THRA: variants seen among roughly 807,000 people sequenced by gnomAD.
THRA encodes the protein EAR-7.
Under a neutral mutation model 45.0 loss-of-function variants are expected in THRA, and 13 were observed. The ratio of observed to expected loss-of-function variants is 0.29; its 90% CI spans 0.19 to 0.46. THRA has a LOEUF of 0.46. Ranked by LOEUF, THRA falls within the 20% of genes least tolerant of loss-of-function variation. THRA has a pLI of 1.00. For synonymous variants in THRA, 195 were observed against 214.0 expected, an observed-to-expected ratio of 0.91 and a Z score of 0.78; for missense variants, 278 against 556.1, an observed-to-expected ratio of 0.50 and a Z score of 5.03.
intron 8 of THRA, among the ~76,000 whole-genome samples, chr17:40,088,942 C>T (rs1208817441): frequency 6.6e-6 from 1 of 150,448 alleles, no homozygotes; most frequent in Non-Finnish European, 1.5e-5. Flanking sequence ...TCTCTCTCCC[C>T]CAGCCCCCGG....
chr17:40,070,301 C>G (rs1986728720), intron 1 of THRA, among the ~76,000 whole-genome samples: 1 of 152,192 alleles, frequency 6.6e-6, no homozygotes, highest in African/African-American at 2.4e-5. Context: ...TTCCTTCCCG[C>G]CTTCACTCCT....
intron 1 of THRA, among the ~76,000 whole-genome samples, chr17:40,069,904 GGAGCC>G (rs1432502404): frequency 6.6e-6 from 1 of 152,030 alleles, no homozygotes; most frequent in Non-Finnish European, 1.5e-5. Flanking sequence ...AGGCTATGGG[GGAGCC>G]GAGTGGGAAG....
Position 40,073,772 on chromosome 17 carries a change from C to A in THRA, c.-297-420C>A, listed in dbSNP as rs554875880. 2.2e-4 allele frequency among the ~76,000 whole-genome samples: 34 copies of A among 152,252 alleles called. No individual in the cohort carries two copies. The South Asian group carries it at 7.1e-3, about 32-fold the overall frequency. Reference sequence around the variant, plus strand: ...ATGTCCCATCCTTCCTTCACAGATACCCTCCCTGCCTATGCTGAAAACTGC... The same window carrying A: ...ATGTCCCATCCTTCCTTCACAGATAACCTCCCTGCCTATGCTGAAAACTGC... On this transcript the variant is annotated intron_variant, in intron 1 of 8. Coordinates refer to ENST00000450525, the MANE Select transcript of THRA (RefSeq NM_199334.5).
rs1174673500 is a variant in THRA at position 40,089,118 on chromosome 17, C to T, written c.983-88C>T. 3 of 1,337,008 alleles carry T rather than the reference C, an allele frequency of 2.2e-6. No individual in the cohort carries two copies. The highest frequency in any genetic ancestry group is 2.9e-5 in the African/African-American group (2 of 69,472). 82.8% of individuals were successfully genotyped at this position (1,337,008 alleles called of 1,614,324 possible). Reference sequence around the variant, plus strand: ...TCTCTGCCTCTATCTCCCCTCTAGTCCTTTCTTCCCACGTCCCCACACCTC... The same window carrying T: ...TCTCTGCCTCTATCTCCCCTCTAGTTCTTTCTTCCCACGTCCCCACACCTC... On this transcript the variant is annotated intron_variant, in intron 8 of 8. Transcript: ENST00000450525. This position sits in a 1 kb window ranked among gnomAD's most constrained non-coding sequence, Gnocchi z 6.1.
intron 2 of THRA, among the ~76,000 whole-genome samples, chr17:40,076,426 T>G (rs1162333975): frequency 3.9e-5 from 6 of 152,188 alleles, no homozygotes; most frequent in African/African-American, 1.2e-4. Flanking sequence ...TTGGCCCTGG[T>G]GCATACTCAC....
intron 1 of THRA, among the ~76,000 whole-genome samples, chr17:40,069,650 T>C (rs1986703753): frequency 6.6e-6 from 1 of 152,074 alleles, no homozygotes; most frequent in South Asian, 2.1e-4. Context: ...CTGCTTCTGC[T>C]TTCTTGGCTA....
At position 40,089,292 on chromosome 17, in the gene THRA, A is replaced by C. The variant is rs1251894362; in HGVS notation, c.1069A>C (p.Lys357Gln). 5.0e-6 allele frequency: 8 copies of C among 1,613,996 alleles called. No homozygotes were observed. In the African/African-American group the frequency reaches 8.0e-5, roughly 16 times the overall value. Residue 357 changes from lysine (K) to glutamine (Q), a missense_variant, in exon 9 of 9, where the codon AAA becomes CAA. Around this residue, in one of 6 missense-constraint regions of THRA, gnomAD observed 66 missense variants for 94.7 expected, o/e 0.70. Coordinates refer to ENST00000450525, the MANE Select transcript of THRA (RefSeq NM_199334.5). This position sits in a 1 kb window ranked among gnomAD's most constrained non-coding sequence, Gnocchi z 6.1. ...LAFEHYVNHR[K>Q]HNIPHFWPKL... ...GTTCGAGCACTACGTCAACCACCGC[A>C]AACACAACATTCCGCACTTCTGGCC...
chr17:40,090,662 C>T lies in THRA; in HGVS notation c.*1206C>T, dbSNP rs1414113354. 1.3e-5 allele frequency: 2 copies of T among 152,602 alleles called. No homozygotes were observed. The highest frequency in any genetic ancestry group is 2.1e-4 in the South Asian group (1 of 4,838). The allele number at this position is 152,602 out of a possible 1,614,324, so 9.5% of individuals were successfully genotyped here. A position where few individuals can be genotyped will look rare whatever the true frequency, so the allele number is the denominator to read the frequency against. ...ATCTGTCTTCTGGGCTCTCTCTAACCTCTGCCCTCCTCCCCAGCTCCTACT... is the reference window on the plus strand; with the variant it reads ...ATCTGTCTTCTGGGCTCTCTCTAACTTCTGCCCTCCTCCCCAGCTCCTACT... On this transcript the variant is annotated 3_prime_UTR_variant, in exon 9 of 9. Coordinates refer to ENST00000450525, the MANE Select transcript of THRA (RefSeq NM_199334.5).
At chr17:40,082,217 T>C in intron 4 of THRA, among the ~76,000 whole-genome samples, 1 of 145,666 alleles carries the variant, frequency 6.9e-6, no homozygotes, top group East Asian at 1.9e-4. Flanking sequence ...CTTTTTTTTT[T>C]TTTTTTTTTT....
At chr17:40,080,717 CTTTT>C (rs755937821) in intron 4 of THRA, among the ~76,000 whole-genome samples, 1 of 99,306 alleles carries the variant, frequency 1.0e-5, no homozygotes, top group Non-Finnish European at 2.1e-5. Context: ...CCTTTGGTGA[CTTTT>C]TTTTTTTTTT....
rs1987521348 is a variant in THRA at position 40,091,134 on chromosome 17, G to GC, written c.*1680dup. ...TGGGGCAGGGGGTGGGGGGAGGGGTGCCAGGGCTTCCTGCGCTTTGCACTA... is the reference window on the plus strand; with the variant it reads ...TGGGGCAGGGGGTGGGGGGAGGGGTGCCCAGGGCTTCCTGCGCTTTGCACTA... On this transcript the variant is annotated 3_prime_UTR_variant, in exon 9 of 9. Coordinates refer to ENST00000450525, the MANE Select transcript of THRA (RefSeq NM_199334.5). The GC allele has an allele frequency of 6.6e-6, 1 of 152,184 alleles. No individual in the cohort carries two copies. The allele number at this position is 152,184 out of a possible 1,614,324, so 9.4% of individuals were successfully genotyped here.
intron 1 of THRA, among the ~76,000 whole-genome samples, chr17:40,069,353 T>C (rs919277755): frequency 1.3e-5 from 2 of 150,338 alleles, no homozygotes; most frequent in African/African-American, 4.9e-5. Context: ...CTCCAGCCTC[T>C]GGGGTGCCTG....
chr17:40,062,795 G>T (rs1271261177), upstream of THRA: 1 of 143,556 alleles, frequency 7.0e-6, no homozygotes. Context: ...GCGGGGGGCG[G>T]GGGCGGGCGG....
In THRA at chr17:40,091,293, G is replaced by A. The variant is rs1183336665; in HGVS notation, c.*1837G>A. 1 of 150,960 alleles carries A rather than the reference G, an allele frequency of 6.6e-6. No individual in the cohort carries two copies. Among genetic ancestry groups the A allele is most frequent in the Non-Finnish European group, 1.4e-5 (1 of 69,414 alleles). 9.4% of individuals were successfully genotyped at this position (150,960 alleles called of 1,614,324 possible). A position where few individuals can be genotyped will look rare whatever the true frequency, so the allele number is the denominator to read the frequency against. ...ACACGGACATGCACACACGGACATG[G>A]GAAGGCAATGCTATGCTGCCCGTCA... On this transcript the variant is annotated 3_prime_UTR_variant, in exon 9 of 9. Transcript: ENST00000450525.
At chr17:40,077,448 A>C in intron 3 of THRA, 60 bp from the exon 4 acceptor site, 6 of 1,470,314 alleles carry the variant, frequency 4.1e-6, no homozygotes, top group Non-Finnish European at 5.7e-6. Flanking sequence ...AAAGTGTGAG[A>C]GCCTCTCTGC....
intron 4 of THRA, among the ~76,000 whole-genome samples, chr17:40,078,070 T>G (rs1987013165): frequency 6.6e-6 from 1 of 152,250 alleles, no homozygotes; most frequent in Non-Finnish European, 1.5e-5. Flanking sequence ...ATTGCCTAAC[T>G]TCTTCGAGCC....
In THRA at chr17:40,066,683, AAG is replaced by A. The variant is rs1445367794; in HGVS notation, c.-298+3593_-298+3594del. On this transcript the variant is annotated intron_variant, in intron 1 of 8. Transcript: ENST00000450525. ...CGTCTCAAAAAAAAAAAAAAAAAAA[AAG>A]AAAAACAAAAAAGAACAAGGCATTA... is the stretch of plus-strand genomic sequence containing the variant. Among the ~76,000 whole-genome samples, 69 of 74,586 alleles carry A rather than the reference AAG, an allele frequency of 9.3e-4. 1 individual carries two copies. The highest frequency in any genetic ancestry group is 4.8e-3 in the African/African-American group (65 of 13,532). The allele number at this position is 74,586 out of a possible 152,430, so 48.9% of individuals were successfully genotyped here.
chr17:40,078,694 C>G (rs1246489389), intron 4 of THRA, among the ~76,000 whole-genome samples: 1 of 150,140 alleles, frequency 6.7e-6, no homozygotes, highest in Non-Finnish European at 1.5e-5. Context: ...ACCACCTGTC[C>G]TACTAGTTAA....
At chr17:40,084,496 C>A in intron 5 of THRA, 114 bp from the exon 6 acceptor site, 2 of 1,209,368 alleles carry the variant, frequency 1.7e-6, no homozygotes, top group Non-Finnish European at 2.4e-6. Context: ...GTCATTTAGC[C>A]TCCATGGCCC....
Sources: gnomAD v4.1 joint callset for allele counts (sites outside exome capture counted in the v4.1 genomes callset) on GRCh38, gnomAD v4.1.1 for gene constraint, gnomAD v4.1.1 regional missense constraint, Gnocchi (gnomAD v3.1) non-coding constraint, MANE v1.5 for transcripts, NCBI Gene and HGNC (gene_info 2026-07-23, HGNC 2026-07-21) for gene names.